RORA: variants seen among roughly 807,000 people sequenced by gnomAD.
RORA encodes the protein nuclear receptor ROR-alpha.
In RORA, 7 loss-of-function variants were observed where a neutral mutation model predicts 69.5. The observed-to-expected ratio is 0.10, with a 90% confidence interval of 0.06 to 0.19. RORA has a LOEUF of 0.19. Ranked by LOEUF, RORA falls within the 10% of genes least tolerant of loss-of-function variation. The pLI is 1.00. For synonymous variants in RORA, 261 were observed against 240.8 expected (o/e 1.08, Z -0.78); for missense variants, 457 against 663.0 (o/e 0.69, Z 3.41).
intron 1 of RORA, among the ~76,000 whole-genome samples, chr15:60,740,445 G>C (rs1405818233): frequency 1.3e-5 from 2 of 152,222 alleles, no homozygotes; most frequent in Non-Finnish European, 2.9e-5. Context: ...TCCTGGATGT[G>C]AACTGGAGCC....
At chr15:60,878,500 T>C (rs768917844) in intron 1 of RORA, among the ~76,000 whole-genome samples, 44 of 152,288 alleles carry the variant, frequency 2.9e-4, no homozygotes, top group African/African-American at 1.0e-3. Context: ...GGGAAAATCA[T>C]GGCTCAGAAA....
intron 1 of RORA, among the ~76,000 whole-genome samples, chr15:61,173,469 C>G (rs553163260): frequency 6.6e-6 from 1 of 152,164 alleles, no homozygotes; most frequent in African/African-American, 2.4e-5. Context: ...TTCAGGCAAC[C>G]CATTCAGGTC....
At chr15:60,914,129 A>G (rs1331862277) in intron 1 of RORA, among the ~76,000 whole-genome samples, 2 of 152,174 alleles carry the variant, frequency 1.3e-5, no homozygotes, top group Non-Finnish European at 2.9e-5. Flanking sequence ...CAGAGCAAAT[A>G]TTTCCTGCTT....
chr15:60,961,671 A>C (rs1374761046), intron 1 of RORA, among the ~76,000 whole-genome samples: 1 of 152,228 alleles, frequency 6.6e-6, no homozygotes, highest in Non-Finnish European at 1.5e-5. Context: ...GAAAGAAGCC[A>C]TTATGGCTTT....
At chr15:61,121,573 C>T (rs775320011) in intron 1 of RORA, among the ~76,000 whole-genome samples, 2 of 152,128 alleles carry the variant, frequency 1.3e-5, no homozygotes, top group Non-Finnish European at 2.9e-5. Context: ...GTTTCAGCTT[C>T]AGTCTGCACC....
intron 1 of RORA, among the ~76,000 whole-genome samples, chr15:60,793,450 C>T (rs1026286038): frequency 2.0e-5 from 3 of 152,332 alleles, no homozygotes; most frequent in African/African-American, 7.2e-5. Flanking sequence ...CTGCAAACTG[C>T]AATGCCCAAT....
intron 1 of RORA, among the ~76,000 whole-genome samples, chr15:61,158,039 C>G (rs2079460874): frequency 6.6e-6 from 1 of 152,158 alleles, no homozygotes; most frequent in South Asian, 2.1e-4. Context: ...AGCCCAACCC[C>G]AGCTGCACAC....
intron 1 of RORA, among the ~76,000 whole-genome samples, chr15:60,846,974 G>C (rs1453474482): frequency 6.6e-6 from 1 of 151,978 alleles, no homozygotes; most frequent in Non-Finnish European, 1.5e-5. Context: ...TGCTCTTTTG[G>C]TACCAAGCTT....
At chr15:61,044,404 G>C (rs1277183007) in intron 1 of RORA, among the ~76,000 whole-genome samples, 1 of 152,168 alleles carries the variant, frequency 6.6e-6, no homozygotes, top group Admixed American at 6.5e-5. Flanking sequence ...ATCTGGACCT[G>C]TGCTAATACA....
At chr15:61,158,385 G>C (rs1277985612) in intron 1 of RORA, among the ~76,000 whole-genome samples, 4 of 152,190 alleles carry the variant, frequency 2.6e-5, no homozygotes, top group Non-Finnish European at 5.9e-5. Flanking sequence ...AGAACTGGCG[G>C]GGGCTGGGAA....
At chr15:60,529,751 C>T (rs962845598) in intron 3 of RORA, 1 of 152,162 alleles carries the variant, frequency 6.6e-6, no homozygotes, top group Non-Finnish European at 1.5e-5. Flanking sequence ...ACTCAGTCAA[C>T]TTAGGTTTTA....
At chr15:60,856,476 A>G (rs1446422955) in intron 1 of RORA, among the ~76,000 whole-genome samples, 1 of 129,148 alleles carries the variant, frequency 7.7e-6, no homozygotes, top group African/African-American at 2.8e-5. Flanking sequence ...TCACGATTTT[A>G]AAGAATCACT....
At chr15:60,614,850 T>A in intron 2 of RORA, 1 of 1,524,388 alleles carries the variant, frequency 6.6e-7, no homozygotes, top group Non-Finnish European at 9.1e-7. Flanking sequence ...CATGCTTACA[T>A]ACATATAGCT....
intron 2 of RORA, among the ~76,000 whole-genome samples, chr15:60,616,308 T>C (rs34486828): frequency 0.1 from 15,266 of 152,026 alleles, 805 homozygotes; most frequent in Non-Finnish European, 0.12. Flanking sequence ...GCGTCTTCAG[T>C]GTGTGTGAGA....
chr15:60,525,864 A>G (rs765024580), intron 3 of RORA, among the ~76,000 whole-genome samples: 10 of 152,164 alleles, frequency 6.6e-5, no homozygotes, highest in Non-Finnish European at 1.2e-4. Flanking sequence ...GTTCAGAAGC[A>G]TGGGGGTGAG....
chr15:61,141,207 G>T (rs1347781688), intron 1 of RORA, among the ~76,000 whole-genome samples: 7 of 152,100 alleles, frequency 4.6e-5, no homozygotes, highest in Non-Finnish European at 1.0e-4. Flanking sequence ...TGACTTCTGG[G>T]GTTAATGCAA....
At chr15:60,768,801 C>T (rs1490817121) in intron 1 of RORA, among the ~76,000 whole-genome samples, 1 of 152,106 alleles carries the variant, frequency 6.6e-6, no homozygotes, top group Admixed American at 6.6e-5. Context: ...AAGGACTGAC[C>T]AGGTGGGAGG....
At chr15:60,809,132 T>C (rs1349307297) in intron 1 of RORA, among the ~76,000 whole-genome samples, 1 of 152,044 alleles carries the variant, frequency 6.6e-6, no homozygotes, top group Non-Finnish European at 1.5e-5. Context: ...AACTTACTCA[T>C]GTAACCAAAC....
At chr15:60,954,270 T>C (rs1380881177) in intron 1 of RORA, among the ~76,000 whole-genome samples, 5 of 123,442 alleles carry the variant, frequency 4.1e-5, no homozygotes, top group East Asian at 4.9e-4. Flanking sequence ...GGAAGGGGAA[T>C]ATCACACTCT....
Sources: allele counts gnomAD v4.1 joint callset (sites outside exome capture counted in the v4.1 genomes callset), GRCh38; gene constraint gnomAD v4.1.1; transcripts MANE v1.5; gene names NCBI Gene and HGNC (gene_info 2026-07-23, HGNC 2026-07-21).